Variants in FUBP1 observed in about 807,000 individuals in gnomAD.
The protein encoded by FUBP1 is far upstream element binding protein 1.
FUBP1 carries 16 observed loss-of-function variants against 94.9 expected under a neutral mutation model. The ratio of observed to expected loss-of-function variants is 0.17; its 90% CI spans 0.11 to 0.26. The LOEUF is 0.26. Ranked by LOEUF, FUBP1 falls within the 10% of genes least tolerant of loss-of-function variation. The pLI is 1.00. For missense variants in FUBP1, 583 were observed against 808.6 expected (o/e 0.72, Z 3.38); for synonymous variants, 279 against 254.9 (o/e 1.09, Z -0.90).
chr1:77,977,550 T>C (rs1225889459), intron 1 of FUBP1, among the ~76,000 whole-genome samples: 13 of 152,078 alleles, frequency 8.5e-5, no homozygotes, highest in Non-Finnish European at 1.9e-4. Context: ...AAAACTCCAG[T>C]ATCTACCTAC....
rs1212840411 is a variant in FUBP1 at position 77,947,680 on chromosome 1, T to TG, written c.*1085dup. On this transcript the variant is annotated 3_prime_UTR_variant, in exon 20 of 20. Coordinates refer to ENST00000370768, the MANE Select transcript of FUBP1 (RefSeq NM_003902.5). The stretch of plus-strand genomic sequence containing the variant: ...CAAAATATCAGAACTTCAGCATGAG[T>TG]GTTAAAGAGTAATAAAATGACTTCA... 3 of 620,398 alleles carry TG rather than the reference T, an allele frequency of 4.8e-6. No homozygotes were observed. Among genetic ancestry groups the TG allele is most frequent in the Non-Finnish European group, 8.2e-6 (3 of 368,008 alleles). 38.4% of individuals were successfully genotyped at this position (620,398 alleles called of 1,614,324 possible).
Position 77,948,117 on chromosome 1 carries a change from G to A in FUBP1, c.*649C>T. The A allele has an allele frequency of 9.6e-7, 1 of 1,036,796 alleles. No homozygotes were observed. Among genetic ancestry groups the A allele is most frequent in the Non-Finnish European group, 1.2e-6 (1 of 860,750 alleles). 64.2% of individuals were successfully genotyped at this position (1,036,796 alleles called of 1,614,324 possible). ...TATAAAAGGAAATTTCACTGTTAAT[G>A]CAATGGAAGTATGCCAAAAGATCAT... On this transcript the variant is annotated 3_prime_UTR_variant, in exon 20 of 20. Transcript: ENST00000370768.
rs993041682 is a variant in FUBP1, at chr1:77,960,177, C to G, written c.1576+7G>C. ...CAGATAACACACAAATAATAAGCAT[C>G]TTCTACCTGGATCAGGAGGAGCCTG... On this transcript the variant is annotated splice_region_variant and intron_variant, in intron 16 of 19. Transcript: ENST00000370768. 1.3e-6 allele frequency: 2 copies of G among 1,588,256 alleles called. No individual in the cohort carries two copies. Among genetic ancestry groups the G allele is most frequent in the Non-Finnish European group, 8.6e-7 (1 of 1,158,702 alleles).
intron 17 of FUBP1, 130 bp downstream of exon 17, chr1:77,956,442 A>G (rs555232465): frequency 1.8e-6 from 1 of 565,624 alleles, no homozygotes; most frequent in East Asian, 3.0e-5. Context: ...GTAACAATTT[A>G]AAAAAGGAAA....
At position 77,945,839 on chromosome 1, in the gene FUBP1, CA is replaced by C; in HGVS notation, c.*2926del. The C allele has an allele frequency of 9.5e-6, 2 of 211,288 alleles. No individual in the cohort carries two copies. The highest frequency in any genetic ancestry group is 1.9e-5 in the Non-Finnish European group (2 of 104,178). The allele number at this position is 211,288 out of a possible 1,614,324, so 13.1% of individuals were successfully genotyped here. A position where few individuals can be genotyped will look rare whatever the true frequency, so the allele number is the denominator to read the frequency against. Reference sequence around the variant, plus strand: ...AAAACACACAAACATTTTAAACTGGCAAAAAAATTAAATGCAGCGTCAGTTA... The same window carrying C: ...AAAACACACAAACATTTTAAACTGGCAAAAAATTAAATGCAGCGTCAGTTA... On this transcript the variant is annotated 3_prime_UTR_variant, in exon 20 of 20. Coordinates refer to ENST00000370768, the MANE Select transcript of FUBP1 (RefSeq NM_003902.5).
chr1:77,966,451 T>C (rs1423335403), intron 7 of FUBP1, among the ~76,000 whole-genome samples: 1 of 152,198 alleles, frequency 6.6e-6, no homozygotes, highest in Non-Finnish European at 1.5e-5. Context: ...TACACGTGGC[T>C]TTACAAGTAG....
At chr1:77,971,718 T>C (rs1469190030) in intron 1 of FUBP1, among the ~76,000 whole-genome samples, 12 of 147,936 alleles carry the variant, frequency 8.1e-5, no homozygotes, top group African/African-American at 2.7e-4. Context: ...AAAAAAAAGG[T>C]ACACTCTCAG....
intron 10 of FUBP1, 123 bp from the exon 11 acceptor site, chr1:77,964,479 C>G: frequency 1.5e-6 from 1 of 678,560 alleles, no homozygotes; most frequent in Non-Finnish European, 2.5e-6. Context: ...ACATATAATT[C>G]TATATTTATA....
chr1:77,954,309 A>ATTTTT (rs1654041712), intron 18 of FUBP1, among the ~76,000 whole-genome samples: 1 of 152,210 alleles, frequency 6.6e-6, no homozygotes, highest in South Asian at 2.1e-4. Context: ...TTAAGTTAAA[A>ATTTTT]GTTTCTTTTT....
chr1:77,944,518 T>A lies in FUBP1; in HGVS notation c.*4248A>T, dbSNP rs745829395. 1.4e-4 allele frequency among the ~76,000 whole-genome samples: 21 copies of A among 151,920 alleles called. No individual in the cohort carries two copies. Among genetic ancestry groups the A allele is most frequent in the Non-Finnish European group, 2.8e-4 (19 of 67,832 alleles). The stretch of plus-strand genomic sequence containing the variant: ...TAACTTTCAGAGCCAAAATTATCTT[T>A]AATTAGGTATTGTTATAATGCATTT... On this transcript the variant is annotated 3_prime_UTR_variant, in exon 20 of 20. Coordinates refer to ENST00000370768, the MANE Select transcript of FUBP1 (RefSeq NM_003902.5).
chr1:77,948,683 CA>C lies in FUBP1; in HGVS notation c.*82del, dbSNP rs1364045234. 4.7e-6 allele frequency: 7 copies of C among 1,497,118 alleles called. No individual in the cohort carries two copies. Among genetic ancestry groups the C allele is most frequent in the Non-Finnish European group, 6.2e-6 (7 of 1,125,056 alleles). The allele number at this position is 1,497,118 out of a possible 1,614,324, so 92.7% of individuals were successfully genotyped here. A position where few individuals can be genotyped will look rare whatever the true frequency, so the allele number is the denominator to read the frequency against. ...AAACCAAAAACAAAATTAAGATCTT[CA>C]TCAAGTCGTCTGCATCCATATATTT... On this transcript the variant is annotated 3_prime_UTR_variant, in exon 20 of 20. Transcript: ENST00000370768.
At position 77,949,250 on chromosome 1, in the gene FUBP1, A is replaced by G; in HGVS notation, c.1831T>C (p.Tyr611His). 1 of 1,613,598 alleles carries G rather than the reference A, an allele frequency of 6.2e-7. No homozygotes were observed. Among genetic ancestry groups the G allele is most frequent in the Admixed American group, 1.7e-5 (1 of 60,004 alleles). The change falls in exon 19 of 20, where the codon TAT becomes CAT. Residue 611 changes from tyrosine (Y) to histidine (H), a missense_variant. Tyr to His is a moderately conservative substitution (Grantham distance 83, BLOSUM62 2). Transcript: ENST00000370768. ...TAATACTCAGCCCAGGCTGCACTATAATCTGGCTGACCACCTGGAGGAGCC... is the reference window on the plus strand; with the variant it reads ...TAATACTCAGCCCAGGCTGCACTATGATCTGGCTGACCACCTGGAGGAGCC... ...TGAPPGGQPDYSAAWAEYYRQ... is the reference protein window; with the variant it reads ...TGAPPGGQPDHSAAWAEYYRQ...
upstream of FUBP1, chr1:77,979,201 A>G (rs1298546786): frequency 1.7e-6 from 1 of 585,012 alleles, no homozygotes; most frequent in Non-Finnish European, 3.0e-6. Flanking sequence ...GGGCTGAGAA[A>G]GAACGACAGG....
At chr1:77,969,095 A>G in intron 2 of FUBP1, 1 of 1,156,454 alleles carries the variant, frequency 8.6e-7, no homozygotes, top group Non-Finnish European at 1.2e-6. Flanking sequence ...CTACACATAA[A>G]ATAAAAAGAA....
At chr1:77,971,676 T>C (rs755443939) in intron 1 of FUBP1, among the ~76,000 whole-genome samples, 29 of 151,656 alleles carry the variant, frequency 1.9e-4, no homozygotes, top group Non-Finnish European at 3.5e-4. Flanking sequence ...ACAAAGATTA[T>C]TAGGATCAAG....
In FUBP1 at chr1:77,946,105, T is replaced by G. The variant is rs1652103080; in HGVS notation, c.*2661A>C. On this transcript the variant is annotated 3_prime_UTR_variant, in exon 20 of 20. Coordinates refer to ENST00000370768, the MANE Select transcript of FUBP1 (RefSeq NM_003902.5). Reference sequence around the variant, plus strand: ...AAGAAAAAAATAAAGAAATTATAATTTTGGAGGGCAAAGAAATTTTCTGTC... The same window carrying G: ...AAGAAAAAAATAAAGAAATTATAATGTTGGAGGGCAAAGAAATTTTCTGTC... Among the ~76,000 whole-genome samples, 1 of 151,874 alleles carries G rather than the reference T, an allele frequency of 6.6e-6. No homozygotes were observed. Among genetic ancestry groups the G allele is most frequent in the East Asian group, 1.9e-4 (1 of 5,204 alleles).
chr1:77,964,811 T>A, intron 9 of FUBP1, 59 bp downstream of exon 9: 2 of 1,485,180 alleles, frequency 1.3e-6, no homozygotes, highest in South Asian at 2.3e-5. Context: ...TATTCATGCA[T>A]ATTTTGCCCA....
intron 1 of FUBP1, among the ~76,000 whole-genome samples, chr1:77,978,281 T>G (rs573748312): frequency 2.2e-3 from 334 of 152,274 alleles, no homozygotes; most frequent in Middle Eastern, 0.01. Context: ...AATTGAAACC[T>G]CTGGTATAAT....
In FUBP1 at chr1:77,966,615, A is replaced by G. The variant is rs969235977; in HGVS notation, c.473+79T>C. The stretch of plus-strand genomic sequence containing the variant: ...GCGAAACCACAGTGTAAAATAAAGC[A>G]GTAACAAAGAGAAGAGACAAAATTC... On this transcript the variant is annotated intron_variant, in intron 7 of 19. Coordinates refer to ENST00000370768, the MANE Select transcript of FUBP1 (RefSeq NM_003902.5). 22 of 776,918 alleles carry G rather than the reference A, an allele frequency of 2.8e-5. No individual in the cohort carries two copies. The African/African-American group carries it at 3.6e-4, about 13-fold the overall frequency. 48.1% of individuals were successfully genotyped at this position (776,918 alleles called of 1,614,324 possible). A position where few individuals can be genotyped will look rare whatever the true frequency, so the allele number is the denominator to read the frequency against.
Sources: allele counts gnomAD v4.1 joint callset (sites outside exome capture counted in the v4.1 genomes callset), GRCh38; gene constraint gnomAD v4.1.1; transcripts MANE v1.5; gene names NCBI Gene and HGNC (gene_info 2026-07-23, HGNC 2026-07-21).